HOXC5: variants seen among roughly 807,000 people sequenced by gnomAD.
The protein encoded by HOXC5 is homeobox protein Hox-C5.
In HOXC5, 19 loss-of-function variants were observed where a neutral mutation model predicts 20.1. The ratio of observed to expected loss-of-function variants is 0.94; its 90% CI spans 0.66 to 1.38. HOXC5 has a LOEUF of 1.38. HOXC5 is among the 40% of genes most tolerant of loss of function. HOXC5 has a pLI of 0.00. For synonymous variants in HOXC5, 124 were observed against 117.0 expected (o/e 1.06, Z -0.39); for missense variants, 330 against 300.1 (o/e 1.10, Z -0.74).
chr12:54,017,935 T>C, the HOXC5 span, among the ~76,000 whole-genome samples: 3 of 151,874 alleles, frequency 2.0e-5, no homozygotes, highest in Non-Finnish European at 4.4e-5. Context: ...GCGCGACTGC[T>C]AGAGCTCACA....
At chr12:54,034,078 G>C (rs1042347099) in intron 1 of HOXC5, 200 bp from the exon 2 acceptor site, 6 of 713,786 alleles carry the variant, frequency 8.4e-6, no homozygotes, top group African/African-American at 5.2e-5. Context: ...TGAAGGCTGC[G>C]GTGGAAAGTT....
At chr12:54,034,071 A>G in intron 1 of HOXC5, 1 of 710,520 alleles carries the variant, frequency 1.4e-6, no homozygotes, top group African/African-American at 1.7e-5. Flanking sequence ...TGCAGAGTGA[A>G]GGCTGCGGTG....
the HOXC5 span, chr12:54,022,258 TA>T: frequency 6.6e-6 from 1 of 152,264 alleles, no homozygotes; most frequent in African/African-American, 2.4e-5. Context: ...GGTGGATTCA[TA>T]AAGCTAGATA....
upstream of HOXC5, chr12:54,029,972 T>TC (rs762837267): frequency 6.3e-5 from 97 of 1,530,796 alleles, no homozygotes; most frequent in Non-Finnish European, 8.5e-5. Flanking sequence ...ACCAGGACTG[T>TC]CCCTGCCACC....
chr12:54,028,353 C>T (rs113823335), upstream of HOXC5: 6 of 634,768 alleles, frequency 9.5e-6, no homozygotes, highest in African/African-American at 1.8e-5. Flanking sequence ...CGATTTTTTT[C>T]CCCCTTCCTG....
the HOXC5 span, among the ~76,000 whole-genome samples, chr12:54,023,780 C>T: frequency 2.6e-5 from 4 of 152,192 alleles, no homozygotes; most frequent in South Asian, 8.3e-4. Flanking sequence ...TTTTGGAATG[C>T]GGTGTGTGTA....
At chr12:54,017,922 A>C in the HOXC5 span, among the ~76,000 whole-genome samples, 11 of 151,982 alleles carry the variant, frequency 7.2e-5, no homozygotes, top group African/African-American at 2.7e-4. Flanking sequence ...TCCCTCCCAG[A>C]GAGCGCGACT....
chr12:54,033,995 G>T (rs568846751), intron 1 of HOXC5: 1 of 644,120 alleles, frequency 1.6e-6, no homozygotes, highest in African/African-American at 1.8e-5. Flanking sequence ...GATCTCGAGG[G>T]TGCTTATTGT....
At chr12:54,028,663 C>A, upstream of HOXC5, 1 of 1,614,078 alleles carries the variant, frequency 6.2e-7, no homozygotes, top group Non-Finnish European at 8.5e-7. Flanking sequence ...TGCCCAGAAC[C>A]GGATCTACTC....
the HOXC5 span, chr12:54,021,773 G>GTGGCA: frequency 6.6e-6 from 1 of 152,370 alleles, no homozygotes; most frequent in Admixed American, 6.5e-5. Context: ...CTGCCACGGC[G>GTGGCA]CCGCAGCCGC....
upstream of HOXC5, chr12:54,029,988 C>T: frequency 6.7e-7 from 1 of 1,488,406 alleles, no homozygotes; most frequent in Non-Finnish European, 9.0e-7. Flanking sequence ...CCACCCCTCT[C>T]TCCCTTTCTC....
the HOXC5 span, among the ~76,000 whole-genome samples, chr12:54,019,190 C>T: frequency 7.0e-6 from 1 of 143,374 alleles, no homozygotes; most frequent in African/African-American, 2.5e-5. Flanking sequence ...CCCCCACCCC[C>T]AGTAGGACTT....
At position 54,033,516 on chromosome 12, in the gene HOXC5, A is replaced by G; in HGVS notation, c.394A>G (p.Ser132Gly). The change falls in exon 1 of 2, where the codon AGC becomes GGC. Residue 132 changes from serine to glycine, a missense_variant. Coordinates refer to ENST00000312492, the MANE Select transcript of HOXC5 (RefSeq NM_018953.4). ...QAQTGQPAGL[S>G]QPPAPPQIYP... ...GCAGACAGGGCAGCCCGCCGGACTG[A>G]GCCAGCCACCGGCCCCGCCACAGAT... 1 of 1,582,434 alleles carries G rather than the reference A, an allele frequency of 6.3e-7. No homozygotes were observed. Among genetic ancestry groups the G allele is most frequent in the Non-Finnish European group, 8.6e-7 (1 of 1,168,714 alleles).
At chr12:54,023,172 G>T in the HOXC5 span, among the ~76,000 whole-genome samples, 2 of 152,160 alleles carry the variant, frequency 1.3e-5, no homozygotes, top group Non-Finnish European at 2.9e-5. Flanking sequence ...AATAGAGGTG[G>T]GAGGCTTGGG....
chr12:54,025,589 A>G, the HOXC5 span, among the ~76,000 whole-genome samples: 2 of 148,732 alleles, frequency 1.3e-5, no homozygotes, highest in African/African-American at 2.5e-5. Flanking sequence ...GGAGGAATTT[A>G]TTTGTATTTC....
chr12:54,018,655 G>C, the HOXC5 span, among the ~76,000 whole-genome samples: 1 of 152,178 alleles, frequency 6.6e-6, no homozygotes, highest in Non-Finnish European at 1.5e-5. Flanking sequence ...CCTGCTCCCC[G>C]GCCTGGGTCC....
chr12:54,026,796 CAGA>C, the HOXC5 span, among the ~76,000 whole-genome samples: 2 of 152,204 alleles, frequency 1.3e-5, no homozygotes, highest in African/African-American at 2.4e-5. Context: ...CTTAACGTTA[CAGA>C]AGATGAATAA....
Position 54,033,057 on chromosome 12 carries a change from C to G in HOXC5, c.-66C>G. ...CTTTGGAGAACAAAAAACCCCTCAACTTCAAAGAGTCACAAATCACCCTTA... is the reference window on the plus strand; with the variant it reads ...CTTTGGAGAACAAAAAACCCCTCAAGTTCAAAGAGTCACAAATCACCCTTA... On this transcript the variant is annotated 5_prime_UTR_variant, in exon 1 of 2. Coordinates refer to ENST00000312492, the MANE Select transcript of HOXC5 (RefSeq NM_018953.4). The G allele has an allele frequency of 7.3e-7, 1 of 1,373,990 alleles. No homozygotes were observed. The highest frequency in any genetic ancestry group is 1.0e-6 in the Non-Finnish European group (1 of 990,014). The allele number at this position is 1,373,990 out of a possible 1,614,324, so 85.1% of individuals were successfully genotyped here.
At position 54,034,839 on chromosome 12, in the gene HOXC5, C is replaced by T; in HGVS notation, c.*347C>T. The T allele has an allele frequency of 3.2e-6, 1 of 311,016 alleles. No individual in the cohort carries two copies. The allele number at this position is 311,016 out of a possible 1,614,324, so 19.3% of individuals were successfully genotyped here. ...TCCGGCTCCCAGCCTCAGCGCGGCC[C>T]TCCCGAGTTAAGGTGGGCCCGGCCC... On this transcript the variant is annotated 3_prime_UTR_variant, in exon 2 of 2. Coordinates refer to ENST00000312492, the MANE Select transcript of HOXC5 (RefSeq NM_018953.4).
Sources: allele counts gnomAD v4.1 joint callset (sites outside exome capture counted in the v4.1 genomes callset), GRCh38; gene constraint gnomAD v4.1.1; transcripts MANE v1.5; gene names NCBI Gene and HGNC (gene_info 2026-07-23, HGNC 2026-07-21).